The following ANKRD28 variants were observed in gnomAD, a reference collection of about 807,000 sequenced individuals.
ANKRD28 encodes the protein ankyrin repeat domain 28, also known as serine/threonine-protein phosphatase 6 regulatory ankyrin repeat subunit A.
A neutral mutation model predicts 126.5 loss-of-function variants in ANKRD28; 44 were observed. The observed-to-expected ratio is 0.35, with a 90% CI of 0.27 to 0.45. The LOEUF (loss-of-function observed/expected upper bound fraction) is 0.45. Ranked by LOEUF, ANKRD28 falls within the 20% of genes least tolerant of loss-of-function variation. The pLI is 1.00. For synonymous variants in ANKRD28, 442 were observed against 468.5 expected, an observed-to-expected ratio of 0.94 and a Z score of 0.73; for missense variants, 1,110 against 1,316.6, an observed-to-expected ratio of 0.84 and a Z score of 2.43.
Position 15,795,279 on chromosome 3 carries a change from C to G in ANKRD28, c.145G>C (p.Gly49Arg). The G allele has an allele frequency of 6.2e-7, 1 of 1,612,382 alleles. No homozygotes were observed. Residue 49 changes from glycine to arginine, a missense_variant, in exon 2 of 28, where the codon GGA becomes CGA. Transcript: ENST00000683139. ...LPSLVQAIFN[G>R]DPDEVRALIF... ...AGTGCTCGAACTTCATCAGGATCTC[C>G]GTTAAATATAGCTTGCACCAGTGAT...
intron 21 of ANKRD28, among the ~76,000 whole-genome samples, chr3:15,681,846 A>C (rs1001681297): frequency 7.2e-5 from 11 of 152,216 alleles, no homozygotes; most frequent in African/African-American, 2.7e-4. Context: ...TAGTGGGTAG[A>C]AACCAATGAT....
rs113447777 is a variant in ANKRD28 at position 15,844,245 on chromosome 3, G to A, written c.27+15132C>T. Among the ~76,000 whole-genome samples, 609 of 152,100 alleles carry A rather than the reference G, an allele frequency of 4.0e-3. 5 individuals carry two copies. Among genetic ancestry groups the A allele is most frequent in the African/African-American group, 0.014 (571 of 41,488 alleles). ...CAAACAAAATCTCAAGAAATATACC[G>A]GTAGTAAAAACTGTCCCATACTTCA... On this transcript the variant is annotated intron_variant, in intron 1 of 27. Coordinates refer to the ANKRD28 transcript ENST00000399451.
intron 2 of ANKRD28, among the ~76,000 whole-genome samples, chr3:15,791,681 T>A (rs567759947): frequency 7.9e-5 from 12 of 152,226 alleles, no homozygotes; most frequent in African/African-American, 2.4e-4. Context: ...TCCAGGACAT[T>A]AGTCTGAGCA....
intron 1 of ANKRD28, among the ~76,000 whole-genome samples, chr3:15,825,124 C>T (rs536977318): frequency 6.6e-6 from 1 of 152,312 alleles, no homozygotes; most frequent in African/African-American, 2.4e-5. Flanking sequence ...AAATCTTAAA[C>T]TACATTTCCC....
chr3:15,832,116 A>T (rs1375713495), intron 1 of ANKRD28, among the ~76,000 whole-genome samples: 1 of 152,226 alleles, frequency 6.6e-6, no homozygotes, highest in African/African-American at 2.4e-5. Context: ...TTGCCCTTGA[A>T]GAACTCACAT....
In ANKRD28 at chr3:15,830,242, T is replaced by TA. The variant is rs1443390125; in HGVS notation, c.27+29134dup. 6.6e-6 allele frequency among the ~76,000 whole-genome samples: 1 copy of TA among 152,192 alleles called. No homozygotes were observed. On this transcript the variant is annotated intron_variant, in intron 1 of 27. Coordinates refer to the ANKRD28 transcript ENST00000399451. The surrounding 1 kb of genome is among the most constrained non-coding windows in gnomAD (Gnocchi z 4.5). ...CGCATATAACATTTTATTATTATGA[T>TA]AACAGTTTTGACTTTAGGGACTCCC...
chr3:15,788,629 A>G (rs201448733), intron 2 of ANKRD28, among the ~76,000 whole-genome samples: 2 of 152,166 alleles, frequency 1.3e-5, no homozygotes, highest in Non-Finnish European at 2.9e-5. Flanking sequence ...GTAGAAAATA[A>G]TTTTCTTATA....
In ANKRD28 at chr3:15,817,494, TAA is replaced by T. The variant is rs1021564303; in HGVS notation, c.28-22190_28-22189del. On this transcript the variant is annotated intron_variant, in intron 1 of 27. Coordinates refer to the ANKRD28 transcript ENST00000399451. The surrounding 1 kb of genome is among the most constrained non-coding windows in gnomAD (Gnocchi z 4.5). The stretch of plus-strand genomic sequence containing the variant: ...CAAAGCAGTGCAATAAGTGCTCTCC[TAA>T]AAGTTTGTTGTGTGTATCTGTGACA... Among the ~76,000 whole-genome samples, 2 of 152,172 alleles carry T rather than the reference TAA, an allele frequency of 1.3e-5. No individual in the cohort carries two copies. Among genetic ancestry groups the T allele is most frequent in the Non-Finnish European group, 2.9e-5 (2 of 68,024 alleles).
chr3:15,793,427 A>G (rs891240436), intron 2 of ANKRD28, among the ~76,000 whole-genome samples: 2 of 152,230 alleles, frequency 1.3e-5, no homozygotes, highest in African/African-American at 2.4e-5. Context: ...GTTACTCTCA[A>G]GAAAGGCCTA....
In ANKRD28 at chr3:15,853,056, G is replaced by A. The variant is rs1173016228; in HGVS notation, c.27+6321C>T. ...TAACTAAGAATTGGGGATGAGGGATGGGAATGGAAATTAAACCTAAAATAT... is the reference window on the plus strand; with the variant it reads ...TAACTAAGAATTGGGGATGAGGGATAGGAATGGAAATTAAACCTAAAATAT... On this transcript the variant is annotated intron_variant, in intron 1 of 27. Coordinates refer to the ANKRD28 transcript ENST00000399451. This position sits in a 1 kb window ranked among gnomAD's most constrained non-coding sequence, Gnocchi z 4.2. Among the ~76,000 whole-genome samples, 2 of 151,802 alleles carry A rather than the reference G, an allele frequency of 1.3e-5. No individual in the cohort carries two copies. Among genetic ancestry groups the A allele is most frequent in the Admixed American group, 6.6e-5 (1 of 15,258 alleles).
At chr3:15,718,293 C>T (rs2073306439) in intron 8 of ANKRD28, among the ~76,000 whole-genome samples, 1 of 152,182 alleles carries the variant, frequency 6.6e-6, no homozygotes, top group Non-Finnish European at 1.5e-5. Context: ...GTTAAGATGA[C>T]TTTCGTGAAA....
intron 2 of ANKRD28, among the ~76,000 whole-genome samples, chr3:15,766,807 A>G (rs1028560044): frequency 2.0e-5 from 3 of 152,360 alleles, no homozygotes; most frequent in Admixed American, 6.5e-5. Flanking sequence ...CTAAAATGAC[A>G]AAGAAATAGC....
chr3:15,698,902 T>C (rs1052211323), intron 14 of ANKRD28, among the ~76,000 whole-genome samples: 2 of 152,112 alleles, frequency 1.3e-5, no homozygotes, highest in African/African-American at 4.8e-5. Flanking sequence ...TTAAAGTTCA[T>C]ATGGAACCAA....
At chr3:15,716,074 C>T (rs1463465897) in intron 8 of ANKRD28, among the ~76,000 whole-genome samples, 1 of 151,392 alleles carries the variant, frequency 6.6e-6, no homozygotes, top group Non-Finnish European at 1.5e-5. Context: ...CCTCCGCCTC[C>T]CGGGTTCAAG....
intron 13 of ANKRD28, among the ~76,000 whole-genome samples, chr3:15,708,394 A>G (rs2071755956): frequency 6.6e-6 from 1 of 152,174 alleles, no homozygotes; most frequent in Admixed American, 6.5e-5. Context: ...ATTTTAGGAA[A>G]GTTTCCCCTA....
intron 4 of ANKRD28, among the ~76,000 whole-genome samples, chr3:15,743,696 A>T (rs2057282628): frequency 6.6e-6 from 1 of 152,190 alleles, no homozygotes; most frequent in Non-Finnish European, 1.5e-5. Flanking sequence ...CTCTTAAAGA[A>T]TGACAGTCAT....
At chr3:15,742,427 C>T (rs1465251789) in intron 4 of ANKRD28, among the ~76,000 whole-genome samples, 7 of 149,012 alleles carry the variant, frequency 4.7e-5, no homozygotes, top group Admixed American at 6.6e-5. Flanking sequence ...TACCTGGCCG[C>T]GACCCCGTCT....
chr3:15,786,424 G>A (rs1488001914), intron 2 of ANKRD28, among the ~76,000 whole-genome samples: 3 of 151,806 alleles, frequency 2.0e-5, no homozygotes, highest in Non-Finnish European at 4.4e-5. Flanking sequence ...TAACACTCTA[G>A]GAAAAAACAA....
chr3:15,770,037 TAAAAA>T (rs77413206), intron 2 of ANKRD28, among the ~76,000 whole-genome samples: 2 of 133,418 alleles, frequency 1.5e-5, no homozygotes, highest in Admixed American at 1.5e-4. Flanking sequence ...TGGTCTAACT[TAAAAA>T]AAAAAAAAAA....
Sources: allele counts gnomAD v4.1 joint callset (sites outside exome capture counted in the v4.1 genomes callset), GRCh38; gene constraint gnomAD v4.1.1; non-coding constraint Gnocchi (gnomAD v3.1); transcripts MANE v1.5; gene names NCBI Gene and HGNC (gene_info 2026-07-23, HGNC 2026-07-21).